The following PDE6A variants were observed in gnomAD, a reference collection of about 807,000 sequenced individuals.
PDE6A encodes the protein phosphodiesterase 6A, also known as rod cGMP-specific 3',5'-cyclic phosphodiesterase subunit alpha.
Under a neutral mutation model 106.3 loss-of-function variants are expected in PDE6A, and 84 were observed. That is an observed-to-expected ratio of 0.79 (90% CI 0.66 to 0.95). PDE6A has a LOEUF of 0.95. PDE6A is among the 40% of genes least tolerant of loss of function. PDE6A has a pLI of 0.00. For missense variants in PDE6A, 1,052 were observed against 1,084.9 expected (o/e 0.97, Z 0.43); for synonymous variants, 394 against 386.6 (o/e 1.02, Z -0.23).
At chr5:149,866,918 C>G (rs1561677891) in intron 19 of PDE6A, 1 of 153,964 alleles carries the variant, frequency 6.5e-6, no homozygotes, top group Non-Finnish European at 1.4e-5. Context: ...CTAGAGTTCA[C>G]TGACTATTCT....
intron 1 of PDE6A, 105 bp from the exon 2 acceptor site, chr5:149,934,823 C>T: frequency 9.3e-7 from 1 of 1,077,138 alleles, no homozygotes; most frequent in Non-Finnish European, 1.4e-6. Context: ...TCCATCTATT[C>T]CTCTTCAACA....
chr5:149,908,172 T>C (rs576406709), intron 6 of PDE6A, among the ~76,000 whole-genome samples: 21 of 152,194 alleles, frequency 1.4e-4, no homozygotes, highest in African/African-American at 4.8e-4. Context: ...TGTAATTCAT[T>C]CATTTTACTG....
intron 19 of PDE6A, chr5:149,866,678 A>G (rs1760342554): frequency 9.8e-6 from 2 of 203,350 alleles, no homozygotes; most frequent in Non-Finnish European, 2.0e-5. Context: ...GATGATACTG[A>G]AGTATATGAC....
At chr5:149,914,780 C>T (rs1183261817) in intron 6 of PDE6A, among the ~76,000 whole-genome samples, 163 bp downstream of exon 6, 1 of 151,956 alleles carries the variant, frequency 6.6e-6, no homozygotes, top group African/African-American at 2.4e-5. Flanking sequence ...TTGATCTTTG[C>T]TTGTCTTTCT....
At chr5:149,917,247 C>G (rs1428181650) in intron 5 of PDE6A, among the ~76,000 whole-genome samples, 1 of 151,892 alleles carries the variant, frequency 6.6e-6, no homozygotes, top group African/African-American at 2.4e-5. Context: ...CCTGCACTCC[C>G]CTTTCTTGAG....
At chr5:149,925,706 CAAAAAAAAA>C (rs36003503) in intron 4 of PDE6A, among the ~76,000 whole-genome samples, 1 of 102,202 alleles carries the variant, frequency 9.8e-6, no homozygotes, top group Non-Finnish European at 1.9e-5. Flanking sequence ...GACTCTGTCT[CAAAAAAAAA>C]AAAAAAAAAG....
chr5:149,893,000 C>T (rs1235557014), intron 13 of PDE6A, among the ~76,000 whole-genome samples: 1 of 152,156 alleles, frequency 6.6e-6, no homozygotes, highest in African/African-American at 2.4e-5. Flanking sequence ...GGTGTATGCC[C>T]CTGGTAAGAG....
chr5:149,920,992 A>AAGAAGG (rs1753701813), intron 5 of PDE6A, among the ~76,000 whole-genome samples: 2 of 133,194 alleles, frequency 1.5e-5, no homozygotes, highest in Non-Finnish European at 3.1e-5. Flanking sequence ...GAAAGAAAGA[A>AAGAAGG]AGAAAAAGAA....
intron 4 of PDE6A, among the ~76,000 whole-genome samples, chr5:149,927,227 C>T (rs1753889773): frequency 6.6e-6 from 1 of 151,986 alleles, no homozygotes; most frequent in Non-Finnish European, 1.5e-5. Flanking sequence ...GAATCATACA[C>T]CTATAAAGGG....
intron 13 of PDE6A, among the ~76,000 whole-genome samples, chr5:149,890,916 A>G (rs1024120139): frequency 6.6e-6 from 1 of 152,250 alleles, no homozygotes; most frequent in Non-Finnish European, 1.5e-5. Context: ...ATGAACTCCA[A>G]ACATTGATCC....
At chr5:149,890,302 A>G (rs530890850) in intron 13 of PDE6A, among the ~76,000 whole-genome samples, 4 of 152,260 alleles carry the variant, frequency 2.6e-5, no homozygotes, top group East Asian at 1.9e-4. Flanking sequence ...CTGCAAATTA[A>G]CTTTGGAATT....
chr5:149,888,514 ATAT>A (rs1343318373), intron 13 of PDE6A, among the ~76,000 whole-genome samples: 4 of 148,362 alleles, frequency 2.7e-5, no homozygotes, highest in East Asian at 1.9e-4. Flanking sequence ...AATAATTAAT[ATAT>A]TATTAATAAA....
chr5:149,927,866 A>G (rs907724859), intron 4 of PDE6A, among the ~76,000 whole-genome samples: 29 of 151,698 alleles, frequency 1.9e-4, no homozygotes, highest in Non-Finnish European at 4.0e-4. Flanking sequence ...TTTGTTAAAA[A>G]CTAAGACACA....
At chr5:149,903,298 T>A (rs1204309474) in intron 8 of PDE6A, among the ~76,000 whole-genome samples, 1 of 150,162 alleles carries the variant, frequency 6.7e-6, no homozygotes, top group Non-Finnish European at 1.5e-5. Context: ...ATATTGTATA[T>A]CTTGTATACA....
chr5:149,939,908 C>T (rs866944250), intron 1 of PDE6A: 6 of 149,414 alleles, frequency 4.0e-5, no homozygotes, highest in East Asian at 2.0e-4. Context: ...GGCTCTGTAA[C>T]GACTCCCTGG....
chr5:149,899,574 G>A, intron 8 of PDE6A, 50 bp from the exon 9 acceptor site: 1 of 1,581,188 alleles, frequency 6.3e-7, no homozygotes, highest in Non-Finnish European at 8.7e-7. Flanking sequence ...GGCCACAGAG[G>A]CAACGATGAT....
chr5:149,911,765 A>T (rs996056542), intron 6 of PDE6A, among the ~76,000 whole-genome samples: 11 of 150,366 alleles, frequency 7.3e-5, no homozygotes, highest in African/African-American at 2.7e-4. Flanking sequence ...TTGGGAGGCT[A>T]AGTTGGGAGG....
chr5:149,884,188 G>GAAAA (rs55911717), intron 16 of PDE6A, among the ~76,000 whole-genome samples: 2 of 72,698 alleles, frequency 2.8e-5, no homozygotes, highest in Non-Finnish European at 3.0e-5. Flanking sequence ...TCTCAAAAAA[G>GAAAA]AAAAAAAAAA....
intron 4 of PDE6A, among the ~76,000 whole-genome samples, chr5:149,923,271 A>G (rs7443694): frequency 0.3 from 46,291 of 151,896 alleles, 10,111 homozygotes; most frequent in African/African-American, 0.61. Context: ...GCTGAGGCGG[A>G]TGGATCACTT....
Sources: gnomAD v4.1 joint callset for allele counts (sites outside exome capture counted in the v4.1 genomes callset) on GRCh38, gnomAD v4.1.1 for gene constraint, MANE v1.5 for transcripts, NCBI Gene and HGNC (gene_info 2026-07-23, HGNC 2026-07-21) for gene names.